BUD23: variants seen among roughly 807,000 people sequenced by gnomAD.
BUD23 encodes BUD23 rRNA methyltransferase and ribosome maturation factor, also known as 18S rRNA (guanine-N(7))-methyltransferase.
In BUD23, 34 loss-of-function variants were observed where a neutral mutation model predicts 47.0. The ratio of observed to expected loss-of-function variants is 0.72; its 90% CI spans 0.55 to 0.96. The LOEUF is 0.96. BUD23 is among the 40% of genes least tolerant of loss of function. BUD23 has a pLI of 0.00. For synonymous variants in BUD23, 124 were observed against 132.0 expected (o/e 0.94, Z 0.41); for missense variants, 343 against 361.2 (o/e 0.95, Z 0.41).
intron 2 of BUD23, 180 bp downstream of exon 2, chr7:73,683,984 G>C (rs1797837270): frequency 6.7e-7 from 1 of 1,481,576 alleles, no homozygotes; most frequent in African/African-American, 1.4e-5. Flanking sequence ...TCTGGGCCTC[G>C]GTACCTCAGC....
intron 2 of BUD23, among the ~76,000 whole-genome samples, chr7:73,685,102 T>C (rs1472246428): frequency 6.6e-6 from 1 of 151,856 alleles, no homozygotes; most frequent in African/African-American, 2.4e-5. Flanking sequence ...AGGTCAGGAA[T>C]TCCGAGACCA....
rs781887996 is a variant in BUD23, at chr7:73,692,582, C to T, written c.460-14C>T. Reference sequence around the variant, plus strand: ...CAGTCATTTGTAAGACAGTGATGTTCCTGTTTCTTTCAGGTCCGGGGATCC... The same window carrying T: ...CAGTCATTTGTAAGACAGTGATGTTTCTGTTTCTTTCAGGTCCGGGGATCC... On this transcript the variant is annotated splice_polypyrimidine_tract_variant and intron_variant, in intron 6 of 11. Coordinates refer to ENST00000265758, the MANE Select transcript of BUD23 (RefSeq NM_017528.5). The T allele has an allele frequency of 7.4e-6, 12 of 1,613,326 alleles. No homozygotes were observed. Among genetic ancestry groups the T allele is most frequent in the Non-Finnish European group, 8.5e-6 (10 of 1,179,352 alleles).
chr7:73,688,344 C>A (rs2116679663), intron 5 of BUD23, among the ~76,000 whole-genome samples: 1 of 152,230 alleles, frequency 6.6e-6, no homozygotes, highest in African/African-American at 2.4e-5. Flanking sequence ...CAGAGCAACA[C>A]TTCATCTCAA....
chr7:73,683,950 A>T (rs1554612300), intron 2 of BUD23, 146 bp downstream of exon 2: 1 of 1,552,230 alleles, frequency 6.4e-7, no homozygotes, highest in African/African-American at 1.4e-5. Flanking sequence ...GTCTCTGGTA[A>T]ATCAACTTTA....
intron 11 of BUD23, 31 bp downstream of exon 11, chr7:73,697,725 G>A (rs1554615130): frequency 1.3e-6 from 2 of 1,557,332 alleles, no homozygotes; most frequent in Non-Finnish European, 1.7e-6. Context: ...TGGCAGGGTG[G>A]GTGGGGGGTG....
chr7:73,687,221 C>G, intron 5 of BUD23, 126 bp downstream of exon 5: 1 of 956,046 alleles, frequency 1.0e-6, no homozygotes, highest in East Asian at 2.6e-5. Context: ...TTCAGGTGAT[C>G]TGCCCACCTC....
intron 8 of BUD23, 53 bp from the exon 9 acceptor site, chr7:73,693,571 C>G (rs1798276978): frequency 1.9e-6 from 3 of 1,611,652 alleles, no homozygotes; most frequent in Non-Finnish European, 2.5e-6. Context: ...GAGGGCTTGT[C>G]TCCCTGTGGG....
intron 7 of BUD23, 48 bp from the exon 8 acceptor site, chr7:73,693,281 T>C: frequency 6.5e-7 from 1 of 1,540,040 alleles, no homozygotes; most frequent in Non-Finnish European, 8.9e-7. Context: ...TGAAGCTGTC[T>C]GCTCCTCTCA....
At chr7:73,685,935 C>CA (rs35201875) in intron 2 of BUD23, among the ~76,000 whole-genome samples, 279 of 146,540 alleles carry the variant, frequency 1.9e-3, no homozygotes, top group African/African-American at 5.4e-3. Context: ...ACTGAAAATG[C>CA]AAAAAAAAAA....
At chr7:73,686,154 CTTG>C (rs1797959372) in intron 2 of BUD23, among the ~76,000 whole-genome samples, 1 of 151,802 alleles carries the variant, frequency 6.6e-6, no homozygotes, top group African/African-American at 2.4e-5. Context: ...TAAGTTTCTT[CTTG>C]ACTGGCTATT....
At chr7:73,692,535 G>C in intron 6 of BUD23, 61 bp from the exon 7 acceptor site, 1 of 1,505,940 alleles carries the variant, frequency 6.6e-7, no homozygotes, top group Non-Finnish European at 9.2e-7. Context: ...GAAGAGAGGG[G>C]TGTCCAGGCC....
chr7:73,693,994 G>A lies in BUD23; in HGVS notation c.645G>A (p.Gly215=), dbSNP rs1554614482. The change falls in exon 10 of 12, where the codon GGG becomes GGA. Residue 215 remains glycine, a splice_region_variant and synonymous_variant. Transcript: ENST00000265758. ...TGAGTGCACTTTGGTTCCTGCAGGG[G>A]CTGAGTGAAAATCAGGATGAAGTTG... The part of the protein sequence containing the change: ...FSGPSTFIPE[G]LSENQDEVEP... 3 of 1,612,402 alleles carry A rather than the reference G, an allele frequency of 1.9e-6. No individual in the cohort carries two copies. The highest frequency in any genetic ancestry group is 2.5e-6 in the Non-Finnish European group (3 of 1,179,574).
chr7:73,690,908 C>CT lies in BUD23; in HGVS notation c.363-3dup, dbSNP rs782016501. 4 of 1,613,914 alleles carry CT rather than the reference C, an allele frequency of 2.5e-6. No individual in the cohort carries two copies. In the South Asian group the frequency reaches 4.4e-5, roughly 18 times the overall value. On this transcript the variant is annotated splice_polypyrimidine_tract_variant and splice_region_variant and intron_variant, in intron 5 of 11. Coordinates refer to ENST00000265758, the MANE Select transcript of BUD23 (RefSeq NM_017528.5). ...CTCCGTTGCCTGACTAGGTCCCTTC[C>CT]TTTTTAGCATTTCTGCTGTGCAGTG...
At chr7:73,691,147 C>A in intron 6 of BUD23, 135 bp downstream of exon 6, 1 of 712,450 alleles carries the variant, frequency 1.4e-6, no homozygotes, top group Non-Finnish European at 2.4e-6. Flanking sequence ...CAGGACCTTA[C>A]TGTGGTTACT....
chr7:73,692,669 G>A, intron 7 of BUD23, 23 bp downstream of exon 7: 1 of 1,609,112 alleles, frequency 6.2e-7, no homozygotes, highest in Non-Finnish European at 8.5e-7. Flanking sequence ...GCTACTGGGT[G>A]TGCCGGGGAG....
chr7:73,692,628 C>T lies in BUD23; in HGVS notation c.492C>T (p.Tyr164=), dbSNP rs1554614216. The change falls in exon 7 of 12, where the codon TAC becomes TAT. Residue 164 remains tyrosine (Y), a synonymous_variant. Transcript: ENST00000265758. The part of the protein sequence containing the change: ...VRGSRAVLQL[Y]PENSEQLELI... ...GATCCCGAGCTGTCCTGCAGCTGTA[C>T]CCTGAGAACTCAGAGCAGGTGAGTC... 6.2e-7 allele frequency: 1 copy of T among 1,613,880 alleles called. No individual in the cohort carries two copies. Among genetic ancestry groups the T allele is most frequent in the Non-Finnish European group, 8.5e-7 (1 of 1,179,808 alleles).
chr7:73,688,244 C>T (rs1798055673), intron 5 of BUD23, among the ~76,000 whole-genome samples: 1 of 151,786 alleles, frequency 6.6e-6, no homozygotes, highest in Admixed American at 6.6e-5. Context: ...GCTAGCTACT[C>T]AGGAAGCTGA....
In BUD23 at chr7:73,693,722, T is replaced by TA. The variant is rs1172858245; in HGVS notation, c.642+53_642+54insA. 10 of 1,606,464 alleles carry TA rather than the reference T, an allele frequency of 6.2e-6. No homozygotes were observed. The African/African-American group carries it at 1.2e-4, about 19-fold the overall frequency. On this transcript the variant is annotated intron_variant, in intron 9 of 11. Coordinates refer to ENST00000265758, the MANE Select transcript of BUD23 (RefSeq NM_017528.5). ...CCTGTGTCTTTTGACTTCCAGGCAG[T>TA]GGGGCTCAGCCTGCAGAGCCTGCTG...
rs1158398347 is a variant in BUD23 at position 73,686,746 on chromosome 7, C to T, written c.182+15C>T. 1 of 1,613,898 alleles carries T rather than the reference C, an allele frequency of 6.2e-7. No individual in the cohort carries two copies. Among genetic ancestry groups the T allele is most frequent in the African/African-American group, 1.3e-5 (1 of 74,866 alleles). ...CTGGATATTGGGTGAGATTCTGGGG[C>T]CTGGTTCAGATTGTCTAAGGTGGTG... On this transcript the variant is annotated intron_variant, in intron 3 of 11. Transcript: ENST00000265758.
Sources: gnomAD v4.1 joint callset for allele counts (sites outside exome capture counted in the v4.1 genomes callset) on GRCh38, gnomAD v4.1.1 for gene constraint, MANE v1.5 for transcripts, NCBI Gene and HGNC (gene_info 2026-07-23, HGNC 2026-07-21) for gene names.